The following CENPP variants were observed in gnomAD, a reference collection of about 807,000 sequenced individuals.
CENPP encodes the protein centromere protein P.
CENPP carries 24 observed loss-of-function variants against 35.6 expected under a neutral mutation model. That is an observed-to-expected ratio of 0.67 (90% confidence interval 0.49 to 0.95). The LOEUF is 0.95. Ranked by LOEUF, CENPP falls within the 40% of genes least tolerant of loss-of-function variation. CENPP has a pLI of 0.00. For synonymous variants in CENPP, 120 were observed against 125.5 expected, an observed-to-expected ratio of 0.96 and a Z score of 0.29; for missense variants, 332 against 345.3, an observed-to-expected ratio of 0.96 and a Z score of 0.31.
intron 5 of CENPP, among the ~76,000 whole-genome samples, chr9:92,424,645 A>G (rs1843911812): frequency 6.6e-6 from 1 of 152,176 alleles, no homozygotes; most frequent in South Asian, 2.1e-4. Flanking sequence ...GGAACTCCAG[A>G]GTCTCAGCAA....
chr9:92,506,188 C>G (rs1846999147), intron 5 of CENPP, among the ~76,000 whole-genome samples: 1 of 152,272 alleles, frequency 6.6e-6, no homozygotes, highest in South Asian at 2.1e-4. Context: ...TTCTAGGACA[C>G]AGAAAAGAAC....
intron 5 of CENPP, among the ~76,000 whole-genome samples, chr9:92,574,736 G>A (rs1310998077): frequency 6.6e-6 from 1 of 152,118 alleles, no homozygotes; most frequent in African/African-American, 2.4e-5. Flanking sequence ...GAATTCACAT[G>A]GAATCTCAAG....
At chr9:92,557,620 A>G (rs1254323862) in intron 5 of CENPP, among the ~76,000 whole-genome samples, 1 of 151,938 alleles carries the variant, frequency 6.6e-6, no homozygotes, top group East Asian at 1.9e-4. Flanking sequence ...TATTGCTGAG[A>G]CTTTCCAGAG....
chr9:92,328,700 G>A (rs1302225670), intron 1 of CENPP, among the ~76,000 whole-genome samples: 1 of 152,022 alleles, frequency 6.6e-6, no homozygotes, highest in Non-Finnish European at 1.5e-5. Flanking sequence ...ATGTTATGAG[G>A]ACAAACTTAC....
At chr9:92,388,994 T>A (rs1842556500) in intron 5 of CENPP, among the ~76,000 whole-genome samples, 1 of 152,026 alleles carries the variant, frequency 6.6e-6, no homozygotes, top group African/African-American at 2.4e-5. Flanking sequence ...AATGAAAAAA[T>A]GGACTATTTG....
At chr9:92,453,262 C>T (rs1383123403) in intron 5 of CENPP, among the ~76,000 whole-genome samples, 1 of 152,114 alleles carries the variant, frequency 6.6e-6, no homozygotes, top group Admixed American at 6.5e-5. Context: ...CCTCTACACA[C>T]TGCTTTGAAT....
chr9:92,503,027 C>T lies in CENPP; in HGVS notation c.565-108287C>T, dbSNP rs113716615. ...CTCACCATGTTGCTCAGGCTGGTCT[C>T]GAACTCCTAAGCTCAAGTGATCTAC... is the stretch of plus-strand genomic sequence containing the variant. On this transcript the variant is annotated intron_variant, in intron 5 of 7. Coordinates refer to ENST00000375587, the MANE Select transcript of CENPP (RefSeq NM_001012267.3). Among the ~76,000 whole-genome samples, 17 of 151,846 alleles carry T rather than the reference C, an allele frequency of 1.1e-4. 1 individual carries two copies. The highest frequency in any genetic ancestry group is 3.9e-4 in the African/African-American group (16 of 41,410).
chr9:92,596,959 T>C (rs997016639), intron 5 of CENPP, among the ~76,000 whole-genome samples: 7 of 152,176 alleles, frequency 4.6e-5, no homozygotes, highest in African/African-American at 1.4e-4. Flanking sequence ...GGGGCAATTA[T>C]GTTTCCCAAC....
rs141433549 is a variant in CENPP at position 92,332,224 on chromosome 9, A to T, written c.162A>T (p.Lys54Asn). ...ATTTGGAAGGATGGAAGTCTTCAAA[A>T]GATCTGAAAAATCAGCTTGGACATT... ...QFNLEGWKSS[K>N]DLKNQLGHLE... Residue 54 changes from lysine to asparagine, a missense_variant, in exon 2 of 8, where the codon AAA (lysine) becomes AAT (asparagine). Lys to Asn is a moderately conservative substitution (Grantham distance 94, BLOSUM62 0). Coordinates refer to ENST00000375587, the MANE Select transcript of CENPP (RefSeq NM_001012267.3). The T allele has an allele frequency of 3.7e-5, 59 of 1,612,642 alleles. No homozygotes were observed. In the African/African-American group the frequency reaches 7.6e-4, roughly 21 times the overall value.
intron 5 of CENPP, chr9:92,416,742 G>C: frequency 6.2e-7 from 1 of 1,613,280 alleles, no homozygotes; most frequent in Non-Finnish European, 8.5e-7. Flanking sequence ...ATATTATATG[G>C]GATGTCTTGT....
chr9:92,562,836 G>A (rs541153854), intron 5 of CENPP, among the ~76,000 whole-genome samples: 6 of 152,066 alleles, frequency 3.9e-5, no homozygotes, highest in South Asian at 2.1e-4. Flanking sequence ...TTTGGCAACC[G>A]ATGTAACCCA....
chr9:92,574,514 T>C (rs1400157433), intron 5 of CENPP, among the ~76,000 whole-genome samples: 1 of 152,158 alleles, frequency 6.6e-6, no homozygotes, highest in Non-Finnish European at 1.5e-5. Flanking sequence ...TACCTAGGAA[T>C]TAACCAAGAA....
At chr9:92,407,438 T>C (rs944064287) in intron 5 of CENPP, among the ~76,000 whole-genome samples, 2 of 152,194 alleles carry the variant, frequency 1.3e-5, no homozygotes, top group African/African-American at 4.8e-5. Context: ...CCAAAATCTT[T>C]ACTACACAGT....
At chr9:92,387,570 G>A (rs1384593644) in intron 5 of CENPP, among the ~76,000 whole-genome samples, 1 of 151,864 alleles carries the variant, frequency 6.6e-6, no homozygotes, top group Non-Finnish European at 1.5e-5. Context: ...GTATCCTGTG[G>A]TAGATTTTGC....
intron 5 of CENPP, among the ~76,000 whole-genome samples, chr9:92,609,665 G>A (rs1851181639): frequency 6.6e-6 from 1 of 152,242 alleles, no homozygotes; most frequent in Non-Finnish European, 1.5e-5. Context: ...GGAGCCTACC[G>A]TGAAAGTCTC....
At chr9:92,606,303 C>T (rs998542578) in intron 5 of CENPP, among the ~76,000 whole-genome samples, 9 of 151,958 alleles carry the variant, frequency 5.9e-5, no homozygotes, top group African/African-American at 2.2e-4. Flanking sequence ...AAACATTTCT[C>T]CAAAGAAGGT....
chr9:92,400,339 C>T (rs1288187733), intron 5 of CENPP, among the ~76,000 whole-genome samples: 1 of 152,048 alleles, frequency 6.6e-6, no homozygotes, highest in Non-Finnish European at 1.5e-5. Context: ...TTAGTAGAGA[C>T]AGGGTTTCAC....
intron 5 of CENPP, among the ~76,000 whole-genome samples, chr9:92,543,459 G>A (rs1588259645): frequency 2.1e-5 from 2 of 95,086 alleles, no homozygotes; most frequent in East Asian, 3.6e-4. Context: ...GTGACAGAGT[G>A]AAACCCTGTC....
chr9:92,586,084 C>T (rs1408385833), intron 5 of CENPP, among the ~76,000 whole-genome samples: 2 of 152,100 alleles, frequency 1.3e-5, no homozygotes, highest in Non-Finnish European at 2.9e-5. Flanking sequence ...TCGCTCTTGT[C>T]GCCCAGGCTG....
Sources: allele counts gnomAD v4.1 joint callset (sites outside exome capture counted in the v4.1 genomes callset), GRCh38; gene constraint gnomAD v4.1.1; transcripts MANE v1.5; gene names NCBI Gene and HGNC (gene_info 2026-07-23, HGNC 2026-07-21).